The following PLEKHG4B variants were observed in gnomAD, a reference collection of about 807,000 sequenced individuals.
The protein encoded by PLEKHG4B is pleckstrin homology domain-containing family G member 4B.
In PLEKHG4B, 111 loss-of-function variants were observed where a neutral mutation model predicts 121.3. The observed-to-expected ratio is 0.92, with a 90% CI of 0.78 to 1.07. The LOEUF (loss-of-function observed/expected upper bound fraction) is 1.07. Ranked by LOEUF, PLEKHG4B falls within the 50% of genes least tolerant of loss-of-function variation. PLEKHG4B has a pLI of 0.00. For synonymous variants in PLEKHG4B, 738 were observed against 725.0 expected, an observed-to-expected ratio of 1.02 and a Z score of -0.29; for missense variants, 1,831 against 1,757.8, an observed-to-expected ratio of 1.04 and a Z score of -0.74.
chr5:116,104 A>T (rs184913029), intron 2 of PLEKHG4B, among the ~76,000 whole-genome samples: 25 of 152,180 alleles, frequency 1.6e-4, no homozygotes, highest in African/African-American at 6.0e-4. Context: ...GAGATGTCCA[A>T]CTCTTCCTTT....
At position 157,062 on chromosome 5, in the gene PLEKHG4B, G is replaced by A; in HGVS notation, c.2487+151G>A. 9.0e-7 allele frequency: 1 copy of A among 1,106,736 alleles called. No individual in the cohort carries two copies. The highest frequency in any genetic ancestry group is 1.4e-5 in the South Asian group (1 of 71,034). The allele number at this position is 1,106,736 out of a possible 1,614,324, so 68.6% of individuals were successfully genotyped here. ...ATGTCAGGATAGGGCATGCCTTGCTGCTTGTGTAAAAAGAAATAAATTTTA... is the reference window on the plus strand; with the variant it reads ...ATGTCAGGATAGGGCATGCCTTGCTACTTGTGTAAAAAGAAATAAATTTTA... On this transcript the variant is annotated intron_variant, in intron 11 of 19. Transcript: ENST00000637938. The surrounding 1 kb of genome is among the most constrained non-coding windows in gnomAD (Gnocchi z 4.6).
At chr5:144,422 T>G (rs1735335079) in intron 5 of PLEKHG4B, among the ~76,000 whole-genome samples, 1 of 152,240 alleles carries the variant, frequency 6.6e-6, no homozygotes, top group African/African-American at 2.4e-5. Context: ...AGCTTCCATC[T>G]TGGGAACAGG....
In PLEKHG4B at chr5:163,090, G is replaced by C. The variant is rs3810870; in HGVS notation, c.3018G>C (p.Ala1006=). 1,058,851 of 1,563,264 alleles carry C rather than the reference G, an allele frequency of 0.68. 362,771 individuals are homozygous for C. Among genetic ancestry groups the C allele is most frequent in the African/African-American group, 0.74 (54,429 of 73,566 alleles). The part of the protein sequence containing the change: ...TDSGGGAWEP[A]QPLSGLPGRA... ...GTGGGGGTGGTGCCTGGGAACCTGCGCAACCACTGTCCGGCCTCCCTGGAC... is the reference window on the plus strand; with the variant it reads ...GTGGGGGTGGTGCCTGGGAACCTGCCCAACCACTGTCCGGCCTCCCTGGAC... Residue 1006 remains alanine (A), a synonymous_variant, in exon 13 of 20, where the codon GCG becomes GCC. Transcript: ENST00000637938.
chr5:136,105 C>T (rs1340454410), intron 2 of PLEKHG4B, among the ~76,000 whole-genome samples: 2 of 152,128 alleles, frequency 1.3e-5, no homozygotes, highest in African/African-American at 4.8e-5. Context: ...GCTTAGAAAA[C>T]TGGATATCCA....
intron 9 of PLEKHG4B, 25 bp downstream of exon 9, chr5:155,468 GTTCAT>G: frequency 6.3e-7 from 1 of 1,582,260 alleles, no homozygotes; most frequent in South Asian, 1.1e-5. Flanking sequence ...TTGCAGGTAA[GTTCAT>G]TTCATGTGAC....
intron 2 of PLEKHG4B, among the ~76,000 whole-genome samples, chr5:117,090 G>A (rs1734328732): frequency 6.6e-6 from 1 of 152,136 alleles, no homozygotes; most frequent in Non-Finnish European, 1.5e-5. Context: ...AAAATTGCTT[G>A]TCTTCTGGAA....
At chr5:98,537 C>T (rs1300061820) in intron 1 of PLEKHG4B, among the ~76,000 whole-genome samples, 12 of 136,438 alleles carry the variant, frequency 8.8e-5, no homozygotes, top group South Asian at 2.5e-4. Flanking sequence ...CAGGTTCAAG[C>T]GATTCTCCTG....
At chr5:151,298 A>T (rs1735595521) in intron 6 of PLEKHG4B, among the ~76,000 whole-genome samples, 1 of 152,162 alleles carries the variant, frequency 6.6e-6, no homozygotes, top group South Asian at 2.1e-4. Flanking sequence ...GGTGAATTTT[A>T]TTGTATGTAA....
chr5:134,076 A>AATATAT (rs67940117), intron 2 of PLEKHG4B, among the ~76,000 whole-genome samples: 88 of 40,260 alleles, frequency 2.2e-3, no homozygotes, highest in Middle Eastern at 0.023. Flanking sequence ...TATATGATAG[A>AATATAT]ATATATATAT....
rs1733579865 is a variant in PLEKHG4B, at chr5:185,065, A to T, written c.*2742A>T. On this transcript the variant is annotated 3_prime_UTR_variant, in exon 20 of 20. Transcript: ENST00000637938. ...GTACTGATAAACCCTTGAAACACCC[A>T]CTAACAAAGAATTACAGCTAATAGA... is the stretch of plus-strand genomic sequence containing the variant. 1 of 152,210 alleles carries T rather than the reference A, an allele frequency of 6.6e-6. No individual in the cohort carries two copies. The highest frequency in any genetic ancestry group is 2.4e-5 in the African/African-American group (1 of 41,436). 9.4% of individuals were successfully genotyped at this position (152,210 alleles called of 1,614,324 possible).
At chr5:97,464 C>A (rs1733663578) in intron 1 of PLEKHG4B, among the ~76,000 whole-genome samples, 1 of 152,220 alleles carries the variant, frequency 6.6e-6, no homozygotes. Flanking sequence ...ACATTCCGTC[C>A]TCCCCAGCCC....
intron 2 of PLEKHG4B, among the ~76,000 whole-genome samples, chr5:121,120 G>A (rs1213735215): frequency 2.0e-5 from 3 of 152,056 alleles, no homozygotes; most frequent in African/African-American, 7.2e-5. Context: ...GGTGGCGGGT[G>A]CCTGTAGTCC....
intron 13 of PLEKHG4B, among the ~76,000 whole-genome samples, chr5:164,758 CCTCTGACGGGGCGGAGCTCACACTAATG>C (rs1736219652): frequency 1.7e-4 from 8 of 45,986 alleles, no homozygotes; most frequent in South Asian, 7.0e-4. Flanking sequence ...TCACAGTAAT[CCTCTGACGGGGCGGAGCTCACACTAATG>C]CTCTGACGGG....
chr5:131,570 A>G (rs1206213368), intron 2 of PLEKHG4B, among the ~76,000 whole-genome samples: 1 of 152,178 alleles, frequency 6.6e-6, no homozygotes. Context: ...GCCGCAGTAA[A>G]CATACGTGTG....
At chr5:116,985 G>A (rs538762112) in intron 2 of PLEKHG4B, among the ~76,000 whole-genome samples, 5 of 152,320 alleles carry the variant, frequency 3.3e-5, no homozygotes, top group Admixed American at 2.0e-4. Flanking sequence ...CTGAAAACGC[G>A]TGGCTGCTTT....
chr5:174,143 GC>G (rs1407191226), intron 18 of PLEKHG4B, 45 bp downstream of exon 18: 1 of 1,337,068 alleles, frequency 7.5e-7, no homozygotes, highest in South Asian at 1.3e-5. Context: ...CAGGGGCACA[GC>G]TAGGGGCAGG....
At chr5:164,513 TCACACAGTAATGCTGTGAC>T (rs1736180560) in intron 13 of PLEKHG4B, among the ~76,000 whole-genome samples, 1 of 90,060 alleles carries the variant, frequency 1.1e-5, no homozygotes, top group African/African-American at 5.7e-5. Context: ...GGGGCGGAGC[TCACACAGTAATGCTGTGAC>T]AGGGGGCGGA....
intron 11 of PLEKHG4B, among the ~76,000 whole-genome samples, chr5:158,193 C>T (rs1426774151): frequency 2.0e-4 from 29 of 145,798 alleles, no homozygotes; most frequent in African/African-American, 6.9e-4. Flanking sequence ...CTCCATCTCC[C>T]CTCCTCCCCC....
chr5:180,926 C>T (rs563915840), intron 18 of PLEKHG4B, among the ~76,000 whole-genome samples: 10 of 152,356 alleles, frequency 6.6e-5, no homozygotes, highest in African/African-American at 1.9e-4. Flanking sequence ...CCCGTTCTCC[C>T]AAGACCTCTG....
Sources: gnomAD v4.1 joint callset for allele counts (sites outside exome capture counted in the v4.1 genomes callset) on GRCh38, gnomAD v4.1.1 for gene constraint, Gnocchi (gnomAD v3.1) non-coding constraint, MANE v1.5 for transcripts, NCBI Gene and HGNC (gene_info 2026-07-23, HGNC 2026-07-21) for gene names.